DPY19L4: variants seen among roughly 807,000 people sequenced by gnomAD.
DPY19L4 encodes the protein dpy-19 like 4.
DPY19L4 carries 97 observed loss-of-function variants against 102.8 expected under a neutral mutation model. The ratio of observed to expected loss-of-function variants is 0.94; its 90% CI spans 0.80 to 1.12. DPY19L4 has a LOEUF of 1.12. Ranked by LOEUF, DPY19L4 falls within the 50% of genes most tolerant of loss-of-function variation. The probability of loss-of-function intolerance (pLI) is 0.00; values close to 1 mark genes in which losing one functional copy is unlikely to be tolerated. For missense variants in DPY19L4, 815 were observed against 850.4 expected (o/e 0.96, Z 0.52); for synonymous variants, 252 against 283.1 (o/e 0.89, Z 1.10).
intron 1 of DPY19L4, 162 bp downstream of exon 1, chr8:94,720,176 A>G: frequency 1.0e-6 from 1 of 985,374 alleles, no homozygotes; most frequent in Non-Finnish European, 1.2e-6. Context: ...AGGACTGCGG[A>G]GAAATTCAGG....
chr8:94,783,611 C>G, intron 16 of DPY19L4, 59 bp from the exon 17 acceptor site: 1 of 1,571,204 alleles, frequency 6.4e-7, no homozygotes, highest in Non-Finnish European at 8.6e-7. Flanking sequence ...TGATATAGAT[C>G]AGTGATCTAA....
intron 12 of DPY19L4, 63 bp from the exon 13 acceptor site, chr8:94,770,389 T>C: frequency 6.8e-7 from 1 of 1,480,278 alleles, no homozygotes; most frequent in Non-Finnish European, 9.0e-7. Flanking sequence ...TGATAAACAA[T>C]GTATCTTTGG....
At chr8:94,782,220 C>T (rs1020095559) in intron 16 of DPY19L4, among the ~76,000 whole-genome samples, 3 of 152,116 alleles carry the variant, frequency 2.0e-5, no homozygotes, top group African/African-American at 7.2e-5. Context: ...TGGGCCAGCT[C>T]CACTGGGACT....
chr8:94,748,613 G>A (rs756380523), intron 6 of DPY19L4, among the ~76,000 whole-genome samples: 1 of 152,134 alleles, frequency 6.6e-6, no homozygotes, highest in Non-Finnish European at 1.5e-5. Flanking sequence ...AGCAGCAGCA[G>A]CAGTGACAAT....
intron 1 of DPY19L4, among the ~76,000 whole-genome samples, chr8:94,722,583 A>C (rs1457291445): frequency 1.3e-5 from 2 of 152,198 alleles, no homozygotes; most frequent in Non-Finnish European, 2.9e-5. Flanking sequence ...ATTAGATGCA[A>C]GGATATAATA....
chr8:94,737,929 G>A (rs573859886), intron 3 of DPY19L4, among the ~76,000 whole-genome samples: 24 of 152,284 alleles, frequency 1.6e-4, no homozygotes, highest in African/African-American at 5.3e-4. Context: ...GGGTAGCTGA[G>A]GTGGGAGGAT....
Position 94,761,802 on chromosome 8 carries a change from C to CT in DPY19L4, c.839dup (p.Asp281ArgfsTer9). 6.2e-7 allele frequency: 1 copy of CT among 1,610,266 alleles called. No homozygotes were observed. Among genetic ancestry groups the CT allele is most frequent in the Non-Finnish European group, 8.5e-7 (1 of 1,178,520 alleles). Reference sequence around the variant, plus strand: ...TCTTCAAGCAATATCTCTATTCCTGCTAGATACCTTTTCAGTGGAGCAAAG... The same window carrying CT: ...TCTTCAAGCAATATCTCTATTCCTGCTTAGATACCTTTTCAGTGGAGCAAAG... On this transcript the variant is annotated frameshift_variant, in exon 8 of 19. Transcript: ENST00000414645. LOFTEE classifies it high-confidence loss of function.
intron 2 of DPY19L4, among the ~76,000 whole-genome samples, chr8:94,731,917 G>A (rs149713806): frequency 0.068 from 10,410 of 151,988 alleles, 378 homozygotes; most frequent in East Asian, 0.14. Context: ...ACAGGTGCCC[G>A]CCACCACACC....
At chr8:94,725,886 C>G (rs1188940102) in intron 1 of DPY19L4, among the ~76,000 whole-genome samples, 1 of 152,166 alleles carries the variant, frequency 6.6e-6, no homozygotes, top group African/African-American at 2.4e-5. Flanking sequence ...ATCCGCCCAC[C>G]TCGGCCTCCC....
rs777466693 is a variant in DPY19L4 at position 94,734,621 on chromosome 8, C to G, written c.128-9C>G. On this transcript the variant is annotated splice_polypyrimidine_tract_variant and intron_variant, in intron 2 of 18. Transcript: ENST00000414645. The stretch of plus-strand genomic sequence containing the variant: ...TTACCTTTTCATTACTTTTAATATA[C>G]TTTTTCAGATGTATTATTTCAACGC... 157 of 1,608,428 alleles carry G rather than the reference C, an allele frequency of 9.8e-5. 1 individual carries two copies. In the South Asian group the frequency reaches 1.7e-3, roughly 18 times the overall value.
At chr8:94,775,184 CTTT>C (rs34816783) in intron 13 of DPY19L4, among the ~76,000 whole-genome samples, 2 of 147,402 alleles carry the variant, frequency 1.4e-5, no homozygotes, top group Non-Finnish European at 3.0e-5. Context: ...CAGAGCTTTC[CTTT>C]TTTTTTTTTG....
chr8:94,750,608 G>A (rs1001863121), intron 6 of DPY19L4, among the ~76,000 whole-genome samples: 9 of 151,842 alleles, frequency 5.9e-5, no homozygotes, highest in African/African-American at 2.2e-4. Context: ...TTCTATGAAT[G>A]TATATGTGAA....
Position 94,793,147 on chromosome 8 carries a change from T to C in DPY19L4, c.*3237T>C, listed in dbSNP as rs1813929883. The C allele has an allele frequency of 6.6e-6, 1 of 152,204 alleles. No homozygotes were observed. The highest frequency in any genetic ancestry group is 1.5e-5 in the Non-Finnish European group (1 of 68,026). 9.4% of individuals were successfully genotyped at this position (152,204 alleles called of 1,614,324 possible). ...TTTTTTTGTAGAACATTAACCCAGA[T>C]TGCTAATAGCTTCATGTTACGGCAT... On this transcript the variant is annotated 3_prime_UTR_variant, in exon 19 of 19. Coordinates refer to ENST00000414645, the MANE Select transcript of DPY19L4 (RefSeq NM_181787.3).
intron 12 of DPY19L4, among the ~76,000 whole-genome samples, 195 bp downstream of exon 12, chr8:94,768,748 C>G (rs1201521900): frequency 1.3e-5 from 2 of 151,974 alleles, no homozygotes; most frequent in African/African-American, 4.8e-5. Context: ...AATCCCAGCA[C>G]TTTGGGAGGC....
At position 94,778,450 on chromosome 8, in the gene DPY19L4, A is replaced by G. The variant is rs374835974; in HGVS notation, c.1575+664A>G. 5.9e-5 allele frequency among the ~76,000 whole-genome samples: 9 copies of G among 152,156 alleles called. No individual in the cohort carries two copies. The East Asian group carries it at 1.5e-3, about 26-fold the overall frequency. ...ATGTGCTTGGGATACAAAGATAATT[A>G]TAGCACACTTAATTTCATCAAGTGG... On this transcript the variant is annotated intron_variant, in intron 14 of 18. Coordinates refer to ENST00000414645, the MANE Select transcript of DPY19L4 (RefSeq NM_181787.3).
intron 6 of DPY19L4, among the ~76,000 whole-genome samples, chr8:94,753,922 C>G (rs186534704): frequency 7.2e-4 from 110 of 152,226 alleles, no homozygotes; most frequent in African/African-American, 2.6e-3. Flanking sequence ...TAGCTCACAC[C>G]TGTTATCCCA....
chr8:94,781,138 G>C lies in DPY19L4; in HGVS notation c.1687G>C (p.Asp563His). 4 of 1,593,408 alleles carry C rather than the reference G, an allele frequency of 2.5e-6. No individual in the cohort carries two copies. Among genetic ancestry groups the C allele is most frequent in the Non-Finnish European group, 3.4e-6 (4 of 1,175,112 alleles). ...LMELQEFYDP[D>H]TVELMTWIKR... is the part of the protein sequence containing the mutation. ...GGAACTACAGGAATTCTATGACCCA[G>C]ATACAGTGGAACTTATGACCTGGAT... is the stretch of plus-strand genomic sequence containing the variant. Residue 563 changes from aspartate to histidine, a missense_variant, in exon 16 of 19, where the codon GAT (aspartate) becomes CAT (histidine). Transcript: ENST00000414645.
chr8:94,770,381 A>C, intron 12 of DPY19L4, 71 bp from the exon 13 acceptor site: 1 of 1,448,178 alleles, frequency 6.9e-7, no homozygotes, highest in South Asian at 1.4e-5. Context: ...TTCAAAGATG[A>C]TAAACAATGT....
At chr8:94,786,776 G>C (rs1346350534) in intron 17 of DPY19L4, among the ~76,000 whole-genome samples, 1 of 152,128 alleles carries the variant, frequency 6.6e-6, no homozygotes, top group East Asian at 1.9e-4. Context: ...TCAAACTCCT[G>C]ATCTCAAGTG....
Sources: allele counts gnomAD v4.1 joint callset (sites outside exome capture counted in the v4.1 genomes callset), GRCh38; gene constraint gnomAD v4.1.1; transcripts MANE v1.5; gene names NCBI Gene and HGNC (gene_info 2026-07-23, HGNC 2026-07-21).